DPT: variants seen among roughly 807,000 people sequenced by gnomAD.
DPT encodes dermatopontin, also known as tyrosine-rich acidic matrix protein.
Under a neutral mutation model 31.2 loss-of-function variants are expected in DPT, and 21 were observed. The observed-to-expected ratio is 0.67, with a 90% confidence interval of 0.48 to 0.97. The LOEUF is 0.97. Among genes scored for constraint, DPT ranks in the 50% least tolerant of loss-of-function variants. DPT has a pLI of 0.00. For synonymous variants in DPT, 91 were observed against 86.9 expected, an observed-to-expected ratio of 1.05 and a Z score of -0.26; for missense variants, 262 against 258.8, an observed-to-expected ratio of 1.01 and a Z score of -0.08.
chr1:168,725,434 C>A (rs1650220840), intron 1 of DPT, among the ~76,000 whole-genome samples: 3 of 152,040 alleles, frequency 2.0e-5, no homozygotes, highest in African/African-American at 4.8e-5. Context: ...TGCATCCAAG[C>A]CCAGGGCTCC....
intron 2 of DPT, among the ~76,000 whole-genome samples, chr1:168,706,198 A>G (rs954207311): frequency 1.3e-5 from 2 of 152,194 alleles, no homozygotes; most frequent in African/African-American, 4.8e-5. Context: ...ATATGCTTTT[A>G]TGATCTGGTT....
chr1:168,718,336 G>A (rs961780195), intron 1 of DPT, among the ~76,000 whole-genome samples: 1 of 152,240 alleles, frequency 6.6e-6, no homozygotes, highest in Non-Finnish European at 1.5e-5. Context: ...CAGGCTGCTG[G>A]CCCCAGTGCC....
rs114910915 is a variant in DPT, at chr1:168,696,488, A to G, written c.*61T>C. 5,815 of 1,437,898 alleles carry G rather than the reference A, an allele frequency of 4.0e-3. 213 individuals are homozygous for G. In the African/African-American group the frequency reaches 0.079, roughly 20 times the overall value. The allele number at this position is 1,437,898 out of a possible 1,614,324, so 89.1% of individuals were successfully genotyped here. A position where few individuals can be genotyped will look rare whatever the true frequency, so the allele number is the denominator to read the frequency against. The stretch of plus-strand genomic sequence containing the variant: ...TAGGAGATCCAACTGATGTTAACAT[A>G]TGTGGACACCCTCCTGTCCCCGGCC... On this transcript the variant is annotated 3_prime_UTR_variant, in exon 4 of 4. Transcript: ENST00000367817.
At chr1:168,700,994 T>C (rs1649582617) in intron 3 of DPT, 23 bp downstream of exon 3, 1 of 1,581,918 alleles carries the variant, frequency 6.3e-7, no homozygotes. Context: ...CCTAGCCCAT[T>C]GGGAAGGGGC....
intron 3 of DPT, among the ~76,000 whole-genome samples, 167 bp from the exon 4 acceptor site, chr1:168,696,782 C>T (rs745734614): frequency 6.6e-6 from 1 of 152,114 alleles, no homozygotes; most frequent in African/African-American, 2.4e-5. Flanking sequence ...TCCCAAGAAC[C>T]GACAAATCTG....
At chr1:168,696,839 G>T (rs1649479686) in intron 3 of DPT, among the ~76,000 whole-genome samples, 2 of 152,218 alleles carry the variant, frequency 1.3e-5, no homozygotes, top group African/African-American at 4.8e-5. Context: ...CACTGGCTGT[G>T]TGGAGGCCTC....
chr1:168,722,133 T>C (rs1421526634), intron 1 of DPT, among the ~76,000 whole-genome samples: 1 of 152,170 alleles, frequency 6.6e-6, no homozygotes, highest in African/African-American at 2.4e-5. Flanking sequence ...TGAGAGCAAT[T>C]CCAGGTCACA....
At chr1:168,704,565 A>AAC (rs1649676623) in intron 2 of DPT, among the ~76,000 whole-genome samples, 4 of 151,334 alleles carry the variant, frequency 2.6e-5, no homozygotes, top group East Asian at 1.9e-4. Flanking sequence ...ACAACAACAA[A>AAC]AAAAGCAAAA....
intron 2 of DPT, among the ~76,000 whole-genome samples, chr1:168,702,152 C>G (rs530373233): frequency 2.6e-5 from 4 of 152,178 alleles, no homozygotes; most frequent in East Asian, 1.9e-4. Context: ...TATCCACACC[C>G]CAGGGACGCT....
In DPT at chr1:168,728,700, A is replaced by G. The variant is rs958139534; in HGVS notation, c.305+170T>C. Among the ~76,000 whole-genome samples the G allele has an allele frequency of 5.9e-5, 9 of 152,140 alleles. No homozygotes were observed. In the East Asian group the frequency reaches 1.7e-3, roughly 29 times the overall value. ...ATCCCAGGTTTTTGTCCTGTCATGT[A>G]GTCCGCTCAGCAGCAGCCCTGCTCC... On this transcript the variant is annotated intron_variant, in intron 1 of 3. Coordinates refer to ENST00000367817, the MANE Select transcript of DPT (RefSeq NM_001937.5).
intron 2 of DPT, among the ~76,000 whole-genome samples, chr1:168,705,919 T>C (rs1371866706): frequency 1.3e-5 from 2 of 152,354 alleles, no homozygotes; most frequent in Non-Finnish European, 2.9e-5. Flanking sequence ...ACAAGCTCTC[T>C]TTCTGCCTGC....
At chr1:168,727,179 C>T (rs1650265854) in intron 1 of DPT, among the ~76,000 whole-genome samples, 1 of 152,230 alleles carries the variant, frequency 6.6e-6, no homozygotes, top group Non-Finnish European at 1.5e-5. Context: ...GTGGAGGCAG[C>T]AGCCTCTCAG....
rs1315304073 is a variant in DPT, at chr1:168,696,567, A to G, written c.588T>C (p.Cys196=). 1 of 1,614,030 alleles carries G rather than the reference A, an allele frequency of 6.2e-7. No homozygotes were observed. Among genetic ancestry groups the G allele is most frequent in the East Asian group, 2.2e-5 (1 of 44,874 alleles). The change falls in exon 4 of 4, where the codon TGT becomes TGC. Residue 196 remains cysteine, a synonymous_variant. Coordinates refer to ENST00000367817, the MANE Select transcript of DPT (RefSeq NM_001937.5). ...FIMCRMTEYD[C]EFANV ...GGCAAATCTAAACATTTGCAAATTC[A>G]CAGTCGTATTCAGTCATCCGGCACA...
At chr1:168,709,803 A>G (rs146805903) in intron 2 of DPT, among the ~76,000 whole-genome samples, 1 of 152,344 alleles carries the variant, frequency 6.6e-6, no homozygotes, top group East Asian at 1.9e-4. Flanking sequence ...GGAAGGTTTC[A>G]GATAAGAGGG....
At chr1:168,698,947 G>A (rs1457871988) in intron 3 of DPT, among the ~76,000 whole-genome samples, 1 of 152,086 alleles carries the variant, frequency 6.6e-6, no homozygotes, top group Non-Finnish European at 1.5e-5. Context: ...AGTTGCATGA[G>A]TATATTTATT....
intron 1 of DPT, among the ~76,000 whole-genome samples, chr1:168,714,557 C>A (rs1374962301): frequency 3.3e-5 from 5 of 152,094 alleles, no homozygotes; most frequent in Non-Finnish European, 7.4e-5. Context: ...TCTAACTGAA[C>A]AAAATTTAGG....
chr1:168,700,998 A>T lies in DPT; in HGVS notation c.539+19T>A. 2 of 1,591,902 alleles carry T rather than the reference A, an allele frequency of 1.3e-6. No individual in the cohort carries two copies. The highest frequency in any genetic ancestry group is 1.7e-6 in the Non-Finnish European group (2 of 1,160,670). ...ACTCCTTTAACCCTAGCCCATTGGG[A>T]AGGGGCTGTCTTTCTCACCTTTCCA... On this transcript the variant is annotated intron_variant, in intron 3 of 3. Coordinates refer to ENST00000367817, the MANE Select transcript of DPT (RefSeq NM_001937.5).
intron 2 of DPT, among the ~76,000 whole-genome samples, chr1:168,705,209 T>C (rs1649692495): frequency 6.6e-6 from 1 of 152,226 alleles, no homozygotes. Context: ...TACGAGACCT[T>C]ATTCGGAGCT....
intron 3 of DPT, among the ~76,000 whole-genome samples, 153 bp downstream of exon 3, chr1:168,700,864 T>G (rs1051221322): frequency 6.6e-6 from 1 of 151,410 alleles, no homozygotes; most frequent in Non-Finnish European, 1.5e-5. Context: ...TATATGTGCA[T>G]GTAAGAAATT....
Sources: gnomAD v4.1 joint callset for allele counts (sites outside exome capture counted in the v4.1 genomes callset) on GRCh38, gnomAD v4.1.1 for gene constraint, MANE v1.5 for transcripts, NCBI Gene and HGNC (gene_info 2026-07-23, HGNC 2026-07-21) for gene names.